Variants in KIAA1217 observed in about 807,000 individuals in gnomAD.
KIAA1217 encodes KIAA1217.
KIAA1217 carries 88 observed loss-of-function variants against 163.9 expected under a neutral mutation model. The observed-to-expected ratio is 0.54, with a 90% CI of 0.45 to 0.64. The LOEUF (loss-of-function observed/expected upper bound fraction) is 0.64. Ranked by LOEUF, KIAA1217 falls within the 30% of genes least tolerant of loss-of-function variation. The pLI is 0.00. For synonymous variants in KIAA1217, 903 were observed against 923.1 expected (o/e 0.98, Z 0.39); for missense variants, 2,372 against 2,475.0 (o/e 0.96, Z 0.88).
intron 1 of KIAA1217, among the ~76,000 whole-genome samples, chr10:23,938,822 T>C (rs547891550): frequency 1.2e-4 from 19 of 152,196 alleles, no homozygotes; most frequent in Non-Finnish European, 2.5e-4. Context: ...CATACGTATA[T>C]GCCATATTCA....
chr10:24,104,474 G>A (rs1317441657), intron 2 of KIAA1217, among the ~76,000 whole-genome samples: 1 of 152,050 alleles, frequency 6.6e-6, no homozygotes, highest in Non-Finnish European at 1.5e-5. Flanking sequence ...CAACTAGGGA[G>A]AAAGTAAAAA....
chr10:24,143,072 C>A (rs2064156171), intron 2 of KIAA1217, among the ~76,000 whole-genome samples: 1 of 152,106 alleles, frequency 6.6e-6, no homozygotes, highest in South Asian at 2.1e-4. Flanking sequence ...TTACAAGGAG[C>A]AGAGAGATGT....
intron 3 of KIAA1217, among the ~76,000 whole-genome samples, chr10:24,401,739 AG>A (rs1398282413): frequency 2.6e-5 from 4 of 152,318 alleles, no homozygotes; most frequent in South Asian, 2.1e-4. Context: ...GGCAGGAAAA[AG>A]AAATAAAAGG....
chr10:24,528,472 G>A (rs545772110), intron 14 of KIAA1217, among the ~76,000 whole-genome samples: 13 of 151,806 alleles, frequency 8.6e-5, no homozygotes, highest in Non-Finnish European at 1.5e-4. Flanking sequence ...CTGTAGATGT[G>A]TACACCACTG....
At chr10:23,723,736 C>G (rs1473804875) in intron 1 of KIAA1217, among the ~76,000 whole-genome samples, 1 of 151,960 alleles carries the variant, frequency 6.6e-6, no homozygotes, top group African/African-American at 2.4e-5. Context: ...GCTAAGAAAG[C>G]CTTGTAGTTG....
At chr10:24,283,570 G>A (rs2078204072) in intron 2 of KIAA1217, among the ~76,000 whole-genome samples, 1 of 152,136 alleles carries the variant, frequency 6.6e-6, no homozygotes, top group Non-Finnish European at 1.5e-5. Flanking sequence ...AGGAGGCCGA[G>A]CATGAGAATC....
At chr10:24,099,033 C>T (rs1373059776) in intron 2 of KIAA1217, among the ~76,000 whole-genome samples, 2 of 152,078 alleles carry the variant, frequency 1.3e-5, no homozygotes, top group Non-Finnish European at 2.9e-5. Context: ...GTAGAAAAAA[C>T]AACAGCAAGA....
At chr10:24,468,416 G>A (rs561890334) in intron 5 of KIAA1217, among the ~76,000 whole-genome samples, 201 of 152,236 alleles carry the variant, frequency 1.3e-3, no homozygotes, top group African/African-American at 4.1e-3. Flanking sequence ...TTAAAACTCC[G>A]TCTTAGAAAG....
intron 2 of KIAA1217, among the ~76,000 whole-genome samples, chr10:24,224,106 A>C (rs1331376446): frequency 6.6e-6 from 1 of 152,192 alleles, no homozygotes; most frequent in Non-Finnish European, 1.5e-5. Flanking sequence ...CAGTCTTCAA[A>C]AAATGCGGGT....
intron 2 of KIAA1217, among the ~76,000 whole-genome samples, chr10:24,271,857 C>T (rs1275628202): frequency 6.6e-6 from 1 of 152,028 alleles, no homozygotes; most frequent in African/African-American, 2.4e-5. Context: ...TTCTTGGTCC[C>T]AGCCTCTTCA....
chr10:23,792,133 T>C (rs927200979), intron 1 of KIAA1217, among the ~76,000 whole-genome samples: 1 of 152,232 alleles, frequency 6.6e-6, no homozygotes, highest in African/African-American at 2.4e-5. Context: ...ATATGTTTTA[T>C]CTTTGCAAGC....
At chr10:24,120,002 T>C (rs1240407859) in intron 2 of KIAA1217, among the ~76,000 whole-genome samples, 1 of 152,162 alleles carries the variant, frequency 6.6e-6, no homozygotes, top group African/African-American at 2.4e-5. Context: ...GCATTCTTCC[T>C]CCAGCTTTCC....
At chr10:24,522,720 G>A (rs11014140) in intron 12 of KIAA1217, among the ~76,000 whole-genome samples, 12,887 of 152,288 alleles carry the variant, frequency 0.085, 795 homozygotes, top group East Asian at 0.14. Context: ...TCACTGGCCA[G>A]GCACAGTGGC....
chr10:23,874,430 C>A (rs2131170963), intron 1 of KIAA1217, among the ~76,000 whole-genome samples: 1 of 152,046 alleles, frequency 6.6e-6, no homozygotes, highest in South Asian at 2.1e-4. Flanking sequence ...AGCTCTGAGA[C>A]CTTATTGACT....
At chr10:23,921,787 G>A (rs1240721906) in intron 1 of KIAA1217, among the ~76,000 whole-genome samples, 3 of 152,158 alleles carry the variant, frequency 2.0e-5, no homozygotes, top group African/African-American at 7.2e-5. Context: ...ACCACTCCTA[G>A]CATTATTAGC....
chr10:23,992,607 CTTTT>C (rs368335847), intron 1 of KIAA1217, among the ~76,000 whole-genome samples: 1 of 127,926 alleles, frequency 7.8e-6, no homozygotes, highest in East Asian at 2.3e-4. Context: ...GCCATCATTT[CTTTT>C]TTTTTTTTTT....
At chr10:24,423,985 T>C (rs1318165468) in intron 3 of KIAA1217, among the ~76,000 whole-genome samples, 2 of 152,126 alleles carry the variant, frequency 1.3e-5, no homozygotes, top group Non-Finnish European at 2.9e-5. Flanking sequence ...AATTGACAGA[T>C]AGATCCTTCT....
intron 2 of KIAA1217, among the ~76,000 whole-genome samples, chr10:24,288,497 G>A (rs1344633966): frequency 6.6e-6 from 1 of 152,232 alleles, no homozygotes; most frequent in Non-Finnish European, 1.5e-5. Flanking sequence ...AACTGCAGGT[G>A]TGAGCAGTTC....
chr10:23,855,322 T>C (rs1839594543), intron 1 of KIAA1217, among the ~76,000 whole-genome samples: 1 of 152,206 alleles, frequency 6.6e-6, no homozygotes, highest in South Asian at 2.1e-4. Flanking sequence ...TTCTTTTCTT[T>C]AAGAATGTTG....
Sources: allele counts gnomAD v4.1 joint callset (sites outside exome capture counted in the v4.1 genomes callset), GRCh38; gene constraint gnomAD v4.1.1; transcripts MANE v1.5; gene names NCBI Gene and HGNC (gene_info 2026-07-23, HGNC 2026-07-21).